The following SPATS1 variants were observed in gnomAD, a reference collection of about 807,000 sequenced individuals.
The protein encoded by SPATS1 is spermatogenesis-associated serine-rich protein 1.
A neutral mutation model predicts 33.6 loss-of-function variants in SPATS1; 23 were observed. The observed-to-expected ratio is 0.68, with a 90% confidence interval of 0.49 to 0.97. SPATS1 has a LOEUF of 0.97. SPATS1 is among the 50% of genes least tolerant of loss of function. SPATS1 has a pLI of 0.00. For synonymous variants in SPATS1, 131 were observed against 125.6 expected (o/e 1.04, Z -0.29); for missense variants, 327 against 361.0 (o/e 0.91, Z 0.76).
chr6:44,360,380 CTA>C, intron 3 of SPATS1, 64 bp from the exon 4 acceptor site: 2 of 1,604,274 alleles, frequency 1.2e-6, no homozygotes, highest in Non-Finnish European at 8.5e-7. Flanking sequence ...CTAGGGTAAA[CTA>C]TGTGAGATCA....
rs1265714032 is a variant in SPATS1, at chr6:44,376,384, C to T, written c.785C>T (p.Ala262Val). The T allele has an allele frequency of 1.2e-6, 2 of 1,612,862 alleles. No homozygotes were observed. Among genetic ancestry groups the T allele is most frequent in the Non-Finnish European group, 1.7e-6 (2 of 1,179,662 alleles). ...PNLPFWVKEK[A>V]NSLKNEIQEV... is the part of the protein sequence containing the mutation. ...TTGCCTTTCTGGGTGAAGGAGAAGGCCAACAGTTTGAAAAATGAGATACAA... is the reference window on the plus strand; with the variant it reads ...TTGCCTTTCTGGGTGAAGGAGAAGGTCAACAGTTTGAAAAATGAGATACAA... Residue 262 changes from alanine (A) to valine (V), a missense_variant, in exon 8 of 9, where the codon GCC becomes GTC. Transcript: ENST00000674044.
chr6:44,353,286 T>C (rs182773108), intron 3 of SPATS1, among the ~76,000 whole-genome samples: 1 of 152,312 alleles, frequency 6.6e-6, no homozygotes, highest in East Asian at 1.9e-4. Flanking sequence ...TAAATGATTA[T>C]CGTAAGAGTC....
intron 3 of SPATS1, among the ~76,000 whole-genome samples, chr6:44,354,750 T>C (rs1382721788): frequency 1.3e-5 from 2 of 152,226 alleles, no homozygotes; most frequent in African/African-American, 4.8e-5. Flanking sequence ...TCACTCTTGG[T>C]GTTGCACAGT....
chr6:44,374,440 C>A (rs1028378645), intron 7 of SPATS1, among the ~76,000 whole-genome samples: 4 of 152,154 alleles, frequency 2.6e-5, no homozygotes, highest in South Asian at 4.1e-4. Context: ...TATACCTAGC[C>A]AGTTATTAAG....
intron 2 of SPATS1, among the ~76,000 whole-genome samples, chr6:44,345,193 A>T (rs964786586): frequency 1.2e-4 from 18 of 152,080 alleles, no homozygotes; most frequent in Admixed American, 8.5e-4. Flanking sequence ...AGGCATCTTG[A>T]GAACATGTTT....
At chr6:44,348,312 T>G (rs1333055340) in intron 2 of SPATS1, among the ~76,000 whole-genome samples, 1 of 152,186 alleles carries the variant, frequency 6.6e-6, no homozygotes, top group African/African-American at 2.4e-5. Context: ...TATTTATTTG[T>G]GTTTAAAATT....
intron 2 of SPATS1, among the ~76,000 whole-genome samples, chr6:44,346,462 T>C (rs1004816613): frequency 2.6e-5 from 4 of 152,182 alleles, no homozygotes; most frequent in Non-Finnish European, 5.9e-5. Flanking sequence ...CAGGGCTCAC[T>C]GCAGACTCGA....
chr6:44,377,933 A>G lies in SPATS1; in HGVS notation c.*870A>G, dbSNP rs1790044723. 1 of 152,206 alleles carries G rather than the reference A, an allele frequency of 6.6e-6. No individual in the cohort carries two copies. Among genetic ancestry groups the G allele is most frequent in the Non-Finnish European group, 1.5e-5 (1 of 68,058 alleles). 9.4% of individuals were successfully genotyped at this position (152,206 alleles called of 1,614,324 possible). The stretch of plus-strand genomic sequence containing the variant: ...ACATATGCATTTTGGGGTGGGGAGG[A>G]CAAACATTTAGACCATAGCAGTGAA... On this transcript the variant is annotated 3_prime_UTR_variant, in exon 9 of 9. Coordinates refer to ENST00000674044, the MANE Select transcript of SPATS1 (RefSeq NM_001372081.1).
At chr6:44,362,819 C>T (rs2221224) in intron 5 of SPATS1, among the ~76,000 whole-genome samples, 123,986 of 151,990 alleles carry the variant, frequency 0.82, 50,820 homozygotes, top group African/African-American at 0.89. Flanking sequence ...TATGGAAATC[C>T]GTGAGGAGTC....
intron 6 of SPATS1, among the ~76,000 whole-genome samples, chr6:44,369,305 G>A (rs1204575208): frequency 6.6e-6 from 1 of 152,102 alleles, no homozygotes; most frequent in African/African-American, 2.4e-5. Flanking sequence ...CCCTTTGAGA[G>A]GCCAAGGGTG....
chr6:44,353,812 T>C (rs894110962), intron 3 of SPATS1, among the ~76,000 whole-genome samples: 1 of 146,152 alleles, frequency 6.8e-6, no homozygotes, highest in Non-Finnish European at 1.5e-5. Flanking sequence ...CCGAGGCTGG[T>C]GGATCACGAG....
intron 3 of SPATS1, among the ~76,000 whole-genome samples, chr6:44,354,126 G>C (rs962496842): frequency 1.3e-5 from 2 of 151,326 alleles, no homozygotes; most frequent in African/African-American, 4.9e-5. Flanking sequence ...TTGAGGCCAG[G>C]AGTTCGAGGC....
intron 2 of SPATS1, among the ~76,000 whole-genome samples, chr6:44,345,156 T>A (rs543953827): frequency 1.3e-5 from 2 of 152,240 alleles, no homozygotes; most frequent in East Asian, 1.9e-4. Flanking sequence ...TTCCAGCTAA[T>A]CTTCTTTTAC....
intron 7 of SPATS1, among the ~76,000 whole-genome samples, chr6:44,373,152 T>C (rs1789728163): frequency 6.6e-6 from 1 of 152,228 alleles, no homozygotes; most frequent in African/African-American, 2.4e-5. Context: ...TCCCCAGAAC[T>C]CTGCCCTGCA....
At chr6:44,371,828 C>G (rs939010499) in intron 7 of SPATS1, among the ~76,000 whole-genome samples, 6 of 151,810 alleles carry the variant, frequency 4.0e-5, no homozygotes, top group Non-Finnish European at 5.9e-5. Flanking sequence ...GCCTGTGGTC[C>G]CAGCTACTCG....
intron 5 of SPATS1, among the ~76,000 whole-genome samples, chr6:44,365,661 C>A (rs921818342): frequency 6.6e-6 from 1 of 152,212 alleles, no homozygotes; most frequent in African/African-American, 2.4e-5. Context: ...TCTCTGCTCA[C>A]AATCTATCAG....
At chr6:44,352,929 C>A (rs542268434) in intron 3 of SPATS1, 56 bp downstream of exon 3, 10 of 1,577,112 alleles carry the variant, frequency 6.3e-6, no homozygotes, top group Non-Finnish European at 8.7e-6. Context: ...GACCAAGAAG[C>A]CAATAGTCTG....
At chr6:44,353,113 A>C (rs1234976557) in intron 3 of SPATS1, among the ~76,000 whole-genome samples, 1 of 152,202 alleles carries the variant, frequency 6.6e-6, no homozygotes, top group East Asian at 1.9e-4. Context: ...GATTGTTGTG[A>C]GGATTAATTG....
Position 44,374,017 on chromosome 6 carries a change from G to A in SPATS1, c.759-2341G>A, listed in dbSNP as rs186035342. Among the ~76,000 whole-genome samples the A allele has an allele frequency of 3.1e-3, 474 of 152,338 alleles. 2 individuals carry two copies. Among genetic ancestry groups the A allele is most frequent in the Non-Finnish European group, 5.1e-3 (348 of 68,024 alleles). On this transcript the variant is annotated intron_variant, in intron 7 of 8. Coordinates refer to ENST00000674044, the MANE Select transcript of SPATS1 (RefSeq NM_001372081.1). ...AATATGGTACAATGTGTACATAGAG[G>A]AAAGACATGGGGGAAGTTGAGGACA...
Sources: gnomAD v4.1 joint callset for allele counts (sites outside exome capture counted in the v4.1 genomes callset) on GRCh38, gnomAD v4.1.1 for gene constraint, MANE v1.5 for transcripts, NCBI Gene and HGNC (gene_info 2026-07-23, HGNC 2026-07-21) for gene names.